The following CNTNAP2 variants were observed in gnomAD, a reference collection of about 807,000 sequenced individuals.
CNTNAP2 encodes the protein contactin-associated protein-like 2.
Under a neutral mutation model 155.2 loss-of-function variants are expected in CNTNAP2, and 98 were observed. The ratio of observed to expected loss-of-function variants is 0.63; its 90% CI spans 0.54 to 0.75. The LOEUF (loss-of-function observed/expected upper bound fraction) is 0.75, where lower values mean the gene tolerates loss of function less well. Ranked by LOEUF, CNTNAP2 falls within the 30% of genes least tolerant of loss-of-function variation. The pLI is 0.00. For synonymous variants in CNTNAP2, 651 were observed against 631.2 expected, an observed-to-expected ratio of 1.03 and a Z score of -0.47; for missense variants, 1,727 against 1,688.1, an observed-to-expected ratio of 1.02 and a Z score of -0.40.
intron 3 of CNTNAP2, among the ~76,000 whole-genome samples, chr7:146,943,918 G>T (rs963168846): frequency 1.3e-5 from 2 of 152,064 alleles, no homozygotes; most frequent in African/African-American, 2.4e-5. Flanking sequence ...CCAGCTCACC[G>T]CAATAGCAGT....
chr7:147,033,066 T>C (rs1163829328), intron 3 of CNTNAP2, among the ~76,000 whole-genome samples: 2 of 150,434 alleles, frequency 1.3e-5, no homozygotes, highest in African/African-American at 4.9e-5. Context: ...TCTAAAATGC[T>C]TTCACAACAT....
intron 4 of CNTNAP2, among the ~76,000 whole-genome samples, chr7:147,093,254 A>AAAAAAG (rs1554436951): frequency 6.6e-6 from 1 of 150,638 alleles, no homozygotes; most frequent in African/African-American, 2.4e-5. Flanking sequence ...AAAAAAAAAA[A>AAAAAAG]AAAAAGAAAA....
chr7:146,595,586 C>T (rs940811291), intron 1 of CNTNAP2, among the ~76,000 whole-genome samples: 4 of 151,966 alleles, frequency 2.6e-5, no homozygotes, highest in Admixed American at 6.6e-5. Flanking sequence ...ATTCTTGAAA[C>T]AGTAGGTGGA....
chr7:146,505,605 C>G (rs1481014968), intron 1 of CNTNAP2, among the ~76,000 whole-genome samples: 3 of 152,192 alleles, frequency 2.0e-5, no homozygotes, highest in Non-Finnish European at 2.9e-5. Context: ...TATTAAGTAC[C>G]CAATGAGTGA....
chr7:147,251,255 G>A (rs773156182), intron 8 of CNTNAP2, among the ~76,000 whole-genome samples: 4 of 152,084 alleles, frequency 2.6e-5, no homozygotes, highest in East Asian at 1.9e-4. Flanking sequence ...ATCCCCTGCC[G>A]AAGACTCTGC....
chr7:148,147,460 C>A lies in CNTNAP2; in HGVS notation c.2555-31C>A, dbSNP rs371523798. 5 of 1,595,250 alleles carry A rather than the reference C, an allele frequency of 3.1e-6. No individual in the cohort carries two copies. In the African/African-American group the frequency reaches 6.7e-5, roughly 21 times the overall value. ...CTATTTGGTATCTGGGAGAAAAATA[C>A]TCATGTTTTTCATGCTTTCTGCTCC... On this transcript the variant is annotated intron_variant, in intron 16 of 23. Transcript: ENST00000361727.
At chr7:146,413,812 C>A (rs1795899775) in intron 1 of CNTNAP2, among the ~76,000 whole-genome samples, 1 of 152,142 alleles carries the variant, frequency 6.6e-6, no homozygotes, top group Non-Finnish European at 1.5e-5. Flanking sequence ...AAAAGGAAAG[C>A]ACTTTTTACC....
chr7:148,059,017 A>G (rs562903399), intron 15 of CNTNAP2, among the ~76,000 whole-genome samples: 1 of 152,184 alleles, frequency 6.6e-6, no homozygotes, highest in African/African-American at 2.4e-5. Context: ...TCGGTGGCTC[A>G]TGCCTGTAAT....
chr7:146,168,274 CA>C (rs1199691336), intron 1 of CNTNAP2, among the ~76,000 whole-genome samples: 1 of 151,946 alleles, frequency 6.6e-6, no homozygotes, highest in Non-Finnish European at 1.5e-5. Flanking sequence ...ATGTATTATA[CA>C]TGAAGGAAAA....
chr7:148,330,215 GA>G, intron 21 of CNTNAP2, among the ~76,000 whole-genome samples: 1 of 18,312 alleles, frequency 5.5e-5, no homozygotes, highest in Non-Finnish European at 1.2e-4. Context: ...TGGATGGATG[GA>G]ATGGATGGAT....
intron 3 of CNTNAP2, among the ~76,000 whole-genome samples, chr7:146,947,382 CTT>C (rs1247894081): frequency 1.6e-4 from 20 of 126,208 alleles, no homozygotes; most frequent in Admixed American, 4.0e-4. Context: ...TTCCTTCTCT[CTT>C]TCTCTCTCTC....
rs138738227 is a variant in CNTNAP2 at position 147,043,983 on chromosome 7, G to A, written c.479G>A (p.Arg160His). 967 of 1,614,166 alleles carry A rather than the reference G, an allele frequency of 6.0e-4. No individual in the cohort carries two copies. Among genetic ancestry groups the A allele is most frequent in the Non-Finnish European group, 7.3e-4 (856 of 1,180,000 alleles). The change falls in exon 4 of 24, where the codon CGC (arginine) becomes CAC (histidine). Residue 160 changes from arginine (R) to histidine (H), a missense_variant. Coordinates refer to ENST00000361727, the MANE Select transcript of CNTNAP2 (RefSeq NM_014141.6). ...LQHPIIARYV[R>H]IVPLDWNGEG... ...CATCCGATTATTGCCCGCTATGTGC[G>A]CATAGTGCCTCTGGATTGGAATGGA...
At chr7:148,231,785 G>T (rs1270285339) in intron 20 of CNTNAP2, among the ~76,000 whole-genome samples, 11 of 152,132 alleles carry the variant, frequency 7.2e-5, no homozygotes, top group Admixed American at 6.5e-4. Context: ...TGGGTGGAAG[G>T]GGGAACAAAG....
At chr7:147,118,364 T>G (rs1164693595) in intron 5 of CNTNAP2, among the ~76,000 whole-genome samples, 1 of 151,526 alleles carries the variant, frequency 6.6e-6, no homozygotes, top group Non-Finnish European at 1.5e-5. Flanking sequence ...CAACATTAAT[T>G]ACAATGTCAA....
intron 18 of CNTNAP2, among the ~76,000 whole-genome samples, chr7:148,210,699 G>A (rs1185823605): frequency 1.3e-5 from 2 of 152,212 alleles, no homozygotes; most frequent in African/African-American, 4.8e-5. Context: ...GGCCTTTGGA[G>A]AGAATGGCAG....
intron 8 of CNTNAP2, among the ~76,000 whole-genome samples, chr7:147,236,758 T>C (rs1236082404): frequency 6.6e-6 from 1 of 152,126 alleles, no homozygotes; most frequent in Non-Finnish European, 1.5e-5. Flanking sequence ...GGACTCACCT[T>C]AGAGTTCTCC....
chr7:147,144,580 A>G (rs1015982655), intron 8 of CNTNAP2, among the ~76,000 whole-genome samples: 2 of 152,218 alleles, frequency 1.3e-5, no homozygotes, highest in Non-Finnish European at 2.9e-5. Context: ...TATTTCATGC[A>G]GGATAATCAG....
intron 14 of CNTNAP2, among the ~76,000 whole-genome samples, chr7:147,943,883 A>G (rs73743660): frequency 0.099 from 15,081 of 151,732 alleles, 979 homozygotes; most frequent in African/African-American, 0.18. Flanking sequence ...AAAAATCACC[A>G]AGAATAGACA....
intron 21 of CNTNAP2, among the ~76,000 whole-genome samples, chr7:148,355,408 C>G (rs1783890434): frequency 2.0e-5 from 3 of 152,064 alleles, no homozygotes; most frequent in African/African-American, 7.2e-5. Flanking sequence ...AAAATTATTT[C>G]AACTGCCTGT....
Sources: allele counts gnomAD v4.1 joint callset (sites outside exome capture counted in the v4.1 genomes callset), GRCh38; gene constraint gnomAD v4.1.1; transcripts MANE v1.5; gene names NCBI Gene and HGNC (gene_info 2026-07-23, HGNC 2026-07-21).